The following EYS variants were observed in gnomAD, a reference collection of about 807,000 sequenced individuals.
The protein encoded by EYS is protein eyes shut homolog.
A neutral mutation model predicts 282.1 loss-of-function variants in EYS; 250 were observed. The ratio of observed to expected loss-of-function variants is 0.89; its 90% CI spans 0.80 to 0.98. The LOEUF (loss-of-function observed/expected upper bound fraction) is 0.98. Ranked by LOEUF, EYS falls within the 50% of genes least tolerant of loss-of-function variation. The probability of loss-of-function intolerance (pLI) is 0.00; values close to 1 mark genes in which losing one functional copy is unlikely to be tolerated. For missense variants in EYS, 4,016 were observed against 3,709.0 expected, an observed-to-expected ratio of 1.08 and a Z score of -2.15; for synonymous variants, 1,355 against 1,282.9, an observed-to-expected ratio of 1.06 and a Z score of -1.20.
intron 11 of EYS, among the ~76,000 whole-genome samples, chr6:65,325,288 T>C (rs1026886126): frequency 5.9e-5 from 9 of 152,118 alleles, no homozygotes; most frequent in Non-Finnish European, 1.2e-4. Context: ...GTTGTACTGG[T>C]GAGGATAGAG....
chr6:65,312,790 G>A (rs1371499413), intron 11 of EYS, among the ~76,000 whole-genome samples: 1 of 152,088 alleles, frequency 6.6e-6, no homozygotes, highest in Non-Finnish European at 1.5e-5. Flanking sequence ...ACGTTAAACA[G>A]GTCTTTCTGT....
rs1436818763 is a variant in EYS at position 63,896,198 on chromosome 6, A to G, written c.7056-31840T>C. Among the ~76,000 whole-genome samples, 3 of 152,116 alleles carry G rather than the reference A, an allele frequency of 2.0e-5. No individual in the cohort carries two copies. The East Asian group carries it at 5.8e-4, about 29-fold the overall frequency. On this transcript the variant is annotated intron_variant, in intron 35 of 42. Coordinates refer to ENST00000503581, the MANE Select transcript of EYS (RefSeq NM_001142800.2). Reference sequence around the variant, plus strand: ...TGTTGCTTATGAGTTCCAAATCTCTATGTCCTTTCTGGATCTATCTCTTGA... The same window carrying G: ...TGTTGCTTATGAGTTCCAAATCTCTGTGTCCTTTCTGGATCTATCTCTTGA...
At chr6:64,131,192 C>T (rs150384963) in intron 31 of EYS, among the ~76,000 whole-genome samples, 13 of 152,142 alleles carry the variant, frequency 8.5e-5, no homozygotes, top group East Asian at 3.9e-4. Context: ...CATGATTACA[C>T]GAAGCCATTG....
intron 22 of EYS, among the ~76,000 whole-genome samples, chr6:64,718,287 G>T (rs999390158): frequency 6.6e-6 from 1 of 152,026 alleles, no homozygotes; most frequent in Non-Finnish European, 1.5e-5. Context: ...CTGATGACAT[G>T]GGTTATGAGC....
chr6:64,670,570 G>C (rs1315256022), intron 22 of EYS, among the ~76,000 whole-genome samples: 1 of 152,064 alleles, frequency 6.6e-6, no homozygotes, highest in Non-Finnish European at 1.5e-5. Flanking sequence ...TAGAGTATGA[G>C]ACATTTTGCA....
intron 5 of EYS, among the ~76,000 whole-genome samples, chr6:65,443,673 C>A (rs577277302): frequency 6.6e-6 from 1 of 151,054 alleles, no homozygotes; most frequent in South Asian, 2.1e-4. Context: ...ACGTATACAT[C>A]ATATACACAC....
At chr6:65,016,096 G>A (rs983663709) in intron 13 of EYS, among the ~76,000 whole-genome samples, 3 of 150,538 alleles carry the variant, frequency 2.0e-5, no homozygotes, top group Admixed American at 1.3e-4. Context: ...AGGCGCCATG[G>A]CTCACACCTG....
chr6:65,359,268 A>C (rs920512022), intron 8 of EYS, among the ~76,000 whole-genome samples: 3 of 152,064 alleles, frequency 2.0e-5, no homozygotes, highest in African/African-American at 7.2e-5. Context: ...GCAGTATCAA[A>C]GTTTTGTGAT....
At chr6:63,876,593 T>G (rs1772978609) in intron 35 of EYS, among the ~76,000 whole-genome samples, 1 of 152,154 alleles carries the variant, frequency 6.6e-6, no homozygotes, top group Non-Finnish European at 1.5e-5. Flanking sequence ...CCCATTATTA[T>G]GGTGTGGGAG....
rs566162367 is a variant in EYS at position 65,270,555 on chromosome 6, G to T, written c.2023+25308C>A. ...TTTTTTTGTGATATGGATAGGCTGAGAATTTTCTCAATATTTAATTTCTAG... is the reference window on the plus strand; with the variant it reads ...TTTTTTTGTGATATGGATAGGCTGATAATTTTCTCAATATTTAATTTCTAG... On this transcript the variant is annotated intron_variant, in intron 12 of 42. Coordinates refer to ENST00000503581, the MANE Select transcript of EYS (RefSeq NM_001142800.2). Among the ~76,000 whole-genome samples the T allele has an allele frequency of 3.9e-5, 6 of 152,196 alleles. No homozygotes were observed. The South Asian group carries it at 1.2e-3, about 32-fold the overall frequency.
At chr6:65,662,980 C>G (rs921230379) in intron 1 of EYS, among the ~76,000 whole-genome samples, 1 of 151,836 alleles carries the variant, frequency 6.6e-6, no homozygotes, top group African/African-American at 2.4e-5. Context: ...TCAGGCTAAG[C>G]GTATGTTAGG....
chr6:63,992,923 G>A (rs1360287206), intron 34 of EYS, among the ~76,000 whole-genome samples: 1 of 151,726 alleles, frequency 6.6e-6, no homozygotes, highest in Non-Finnish European at 1.5e-5. Flanking sequence ...ATTTCATCAT[G>A]GGGATAGTTT....
chr6:65,081,962 G>A (rs531550230), intron 12 of EYS, among the ~76,000 whole-genome samples: 76 of 152,036 alleles, frequency 5.0e-4, no homozygotes, highest in African/African-American at 1.7e-3. Flanking sequence ...CAGCACTGTC[G>A]GTGCAAGGTG....
At chr6:65,333,878 G>A (rs1004215917) in intron 11 of EYS, among the ~76,000 whole-genome samples, 2 of 150,868 alleles carry the variant, frequency 1.3e-5, no homozygotes, top group African/African-American at 4.9e-5. Context: ...GTTAGTATAG[G>A]CACTCCAGTT....
chr6:65,252,880 A>C (rs941721876), intron 12 of EYS, among the ~76,000 whole-genome samples: 2 of 151,990 alleles, frequency 1.3e-5, no homozygotes, highest in Non-Finnish European at 2.9e-5. Context: ...AAGTCAGTGA[A>C]CTTGACAGCA....
chr6:64,153,962 G>A (rs1774826925), intron 31 of EYS, among the ~76,000 whole-genome samples: 1 of 152,184 alleles, frequency 6.6e-6, no homozygotes, highest in South Asian at 2.1e-4. Flanking sequence ...TTAAAAAATA[G>A]TGGATCTAAG....
intron 31 of EYS, among the ~76,000 whole-genome samples, chr6:64,117,337 C>CG (rs888029232): frequency 4.0e-5 from 6 of 150,048 alleles, no homozygotes; most frequent in South Asian, 4.2e-4. Context: ...AACCCCCCCC[C>CG]CAATTAGTAG....
intron 15 of EYS, among the ~76,000 whole-genome samples, chr6:64,921,531 A>T (rs1489431438): frequency 4.6e-5 from 7 of 152,218 alleles, no homozygotes; most frequent in Admixed American, 3.3e-4. Flanking sequence ...AAAGTTTATT[A>T]TCTATGATCC....
At chr6:65,659,107 C>T (rs1473836270) in intron 1 of EYS, among the ~76,000 whole-genome samples, 1 of 151,466 alleles carries the variant, frequency 6.6e-6, no homozygotes, top group Non-Finnish European at 1.5e-5. Flanking sequence ...TATAGCCTTA[C>T]ATATCAATAT....
Sources: allele counts gnomAD v4.1 joint callset (sites outside exome capture counted in the v4.1 genomes callset), GRCh38; gene constraint gnomAD v4.1.1; transcripts MANE v1.5; gene names NCBI Gene and HGNC (gene_info 2026-07-23, HGNC 2026-07-21).